The following PRKCA variants were observed in gnomAD, a reference collection of about 807,000 sequenced individuals.
PRKCA encodes the protein protein kinase C alpha type.
A neutral mutation model predicts 87.0 loss-of-function variants in PRKCA; 27 were observed. The ratio of observed to expected loss-of-function variants is 0.31; its 90% confidence interval spans 0.23 to 0.43. PRKCA has a LOEUF of 0.43. PRKCA is among the 20% of genes least tolerant of loss of function. The pLI, the probability that PRKCA is intolerant of heterozygous loss-of-function variation, is 1.00. For missense variants in PRKCA, 518 were observed against 852.3 expected, an observed-to-expected ratio of 0.61 and a Z score of 4.88; for synonymous variants, 329 against 311.1, an observed-to-expected ratio of 1.06 and a Z score of -0.61.
At chr17:66,758,636 C>T (rs1160973976) in intron 13 of PRKCA, among the ~76,000 whole-genome samples, 1 of 152,164 alleles carries the variant, frequency 6.6e-6, no homozygotes, top group Non-Finnish European at 1.5e-5. Context: ...GTGGACGACT[C>T]TTAATAAATT....
chr17:66,505,439 A>G (rs1382685152), intron 3 of PRKCA, among the ~76,000 whole-genome samples: 1 of 152,176 alleles, frequency 6.6e-6, no homozygotes, highest in Non-Finnish European at 1.5e-5. Flanking sequence ...AGTGTTTGGA[A>G]GGCATGTTTT....
At chr17:66,609,482 A>G (rs1325028725) in intron 3 of PRKCA, among the ~76,000 whole-genome samples, 1 of 152,212 alleles carries the variant, frequency 6.6e-6, no homozygotes, top group Non-Finnish European at 1.5e-5. Flanking sequence ...GCCTATTGCC[A>G]ATCATCGATC....
At chr17:66,737,219 C>T (rs372475747) in intron 10 of PRKCA, among the ~76,000 whole-genome samples, 18 of 146,612 alleles carry the variant, frequency 1.2e-4, no homozygotes, top group South Asian at 4.3e-4. Flanking sequence ...AAAAATTAGC[C>T]GGGCGTGGTG....
intron 2 of PRKCA, among the ~76,000 whole-genome samples, chr17:66,452,045 T>C (rs535995502): frequency 2.0e-5 from 3 of 152,310 alleles, no homozygotes; most frequent in East Asian, 1.9e-4. Context: ...CATTTTGCAG[T>C]GTGCGTCCCT....
chr17:66,307,966 C>G (rs1448084715), intron 2 of PRKCA, among the ~76,000 whole-genome samples: 1 of 152,148 alleles, frequency 6.6e-6, no homozygotes, highest in Non-Finnish European at 1.5e-5. Context: ...TTGCAACTTG[C>G]TCTTTTCACT....
At chr17:66,369,841 C>G (rs932697198) in intron 2 of PRKCA, among the ~76,000 whole-genome samples, 2 of 152,204 alleles carry the variant, frequency 1.3e-5, no homozygotes, top group African/African-American at 4.8e-5. Flanking sequence ...AAGTGTCCTT[C>G]CTTCCCTCCA....
chr17:66,331,956 G>C (rs1002907174), intron 2 of PRKCA, among the ~76,000 whole-genome samples: 1 of 151,740 alleles, frequency 6.6e-6, no homozygotes, highest in Non-Finnish European at 1.5e-5. Flanking sequence ...TCTCTTTCTT[G>C]TTAAACCACT....
At chr17:66,347,991 GAGTGC>G (rs1417960736) in intron 2 of PRKCA, among the ~76,000 whole-genome samples, 1 of 114,414 alleles carries the variant, frequency 8.7e-6, no homozygotes, top group Non-Finnish European at 1.7e-5. Flanking sequence ...GCCCAGGCTG[GAGTGC>G]AGTGGCCCAG....
intron 3 of PRKCA, among the ~76,000 whole-genome samples, chr17:66,524,328 A>C (rs1980118): frequency 0.8 from 121,097 of 152,186 alleles, 48,930 homozygotes; most frequent in African/African-American, 0.94. Flanking sequence ...CATTTTTGTT[A>C]CATTGGAACA....
At chr17:66,399,623 C>T (rs566899709) in intron 2 of PRKCA, among the ~76,000 whole-genome samples, 2 of 152,264 alleles carry the variant, frequency 1.3e-5, no homozygotes, top group South Asian at 4.1e-4. Flanking sequence ...GTTTCCTCTT[C>T]CTCCTAGGCT....
Position 66,630,519 on chromosome 17 carries a change from C to T in PRKCA, c.289-10836C>T, listed in dbSNP as rs201707006. 5.3e-5 allele frequency among the ~76,000 whole-genome samples: 8 copies of T among 152,216 alleles called. No homozygotes were observed. In the East Asian group the frequency reaches 9.6e-4, roughly 18 times the overall value. ...GCTTCAAGAAGCATTGACAGACTGT[C>T]GTTCAGTTTCACCTCTTGCTTTTCC... On this transcript the variant is annotated intron_variant, in intron 3 of 16. Coordinates refer to ENST00000413366, the MANE Select transcript of PRKCA (RefSeq NM_002737.3).
rs1975993458 is a variant in PRKCA at position 66,804,853 on chromosome 17, T to C, written c.*816T>C. On this transcript the variant is annotated 3_prime_UTR_variant, in exon 17 of 17. Coordinates refer to ENST00000413366, the MANE Select transcript of PRKCA (RefSeq NM_002737.3). ...ATTTTAATCTCTGGGAGATTATTTT[T>C]CCATCCAGGGTGCCATCAGTAATCA... 1 of 242,970 alleles carries C rather than the reference T, an allele frequency of 4.1e-6. No individual in the cohort carries two copies. 15.1% of individuals were successfully genotyped at this position (242,970 alleles called of 1,614,324 possible).
At chr17:66,726,535 G>A (rs758402446) in intron 8 of PRKCA, among the ~76,000 whole-genome samples, 3 of 152,148 alleles carry the variant, frequency 2.0e-5, no homozygotes, top group Non-Finnish European at 4.4e-5. Context: ...AGAGGGAAGG[G>A]CGGAGCTGGC....
At chr17:66,701,512 G>A (rs1237666015) in intron 8 of PRKCA, among the ~76,000 whole-genome samples, 1 of 152,068 alleles carries the variant, frequency 6.6e-6, no homozygotes, top group African/African-American at 2.4e-5. Context: ...AAAATTAAAA[G>A]GCAACCTGTG....
chr17:66,682,708 T>C (rs921441628), intron 5 of PRKCA, among the ~76,000 whole-genome samples: 2 of 147,222 alleles, frequency 1.4e-5, no homozygotes, highest in African/African-American at 5.4e-5. Context: ...AGTGTGATTT[T>C]GTTGTTGTTG....
intron 2 of PRKCA, among the ~76,000 whole-genome samples, chr17:66,448,980 TAAAAA>T (rs58373500): frequency 1.1e-4 from 15 of 140,584 alleles, no homozygotes; most frequent in South Asian, 2.3e-4. Context: ...ACTCTAAACT[TAAAAA>T]AAAAAAAAAA....
At chr17:66,736,431 C>A (rs1023836002) in intron 10 of PRKCA, among the ~76,000 whole-genome samples, 1 of 152,078 alleles carries the variant, frequency 6.6e-6, no homozygotes, top group African/African-American at 2.4e-5. Flanking sequence ...GCCGCTGCCA[C>A]CACGCCCGGC....
At chr17:66,520,676 C>G (rs184606698) in intron 3 of PRKCA, among the ~76,000 whole-genome samples, 134 of 152,266 alleles carry the variant, frequency 8.8e-4, no homozygotes, top group Middle Eastern at 3.4e-3. Context: ...TTCAGGTATC[C>G]AGATTTATTA....
intron 3 of PRKCA, among the ~76,000 whole-genome samples, chr17:66,560,385 G>GT (rs1567898428): frequency 6.6e-6 from 1 of 152,216 alleles, no homozygotes; most frequent in Admixed American, 6.5e-5. Flanking sequence ...AGAACATTCT[G>GT]TAAGTATTGC....
Sources: gnomAD v4.1 joint callset for allele counts (sites outside exome capture counted in the v4.1 genomes callset) on GRCh38, gnomAD v4.1.1 for gene constraint, MANE v1.5 for transcripts, NCBI Gene and HGNC (gene_info 2026-07-23, HGNC 2026-07-21) for gene names.